The following SNX24 variants were observed in gnomAD, a reference collection of about 807,000 sequenced individuals.
SNX24 encodes sorting nexin 24.
A neutral mutation model predicts 28.7 loss-of-function variants in SNX24; 22 were observed. That is an observed-to-expected ratio of 0.77 (90% CI 0.55 to 1.10). The LOEUF is 1.10. SNX24 is among the 50% of genes least tolerant of loss of function. SNX24 has a pLI of 0.00. For synonymous variants in SNX24, 69 were observed against 71.5 expected (o/e 0.96, Z 0.18); for missense variants, 221 against 201.1 (o/e 1.10, Z -0.60).
intron 1 of SNX24, chr5:122,891,217 G>A: frequency 2.4e-6 from 3 of 1,264,352 alleles, no homozygotes; most frequent in Non-Finnish European, 2.1e-6. Context: ...AATGGTTTAG[G>A]AATGTTGACT....
chr5:122,927,526 C>T (rs145571433), intron 1 of SNX24, among the ~76,000 whole-genome samples: 1 of 152,118 alleles, frequency 6.6e-6, no homozygotes, highest in Non-Finnish European at 1.5e-5. Context: ...CTGGATTCAA[C>T]ATCTTAGGGA....
intron 1 of SNX24, among the ~76,000 whole-genome samples, chr5:122,890,315 T>C (rs892547514): frequency 6.6e-6 from 1 of 152,172 alleles, no homozygotes; most frequent in African/African-American, 2.4e-5. Context: ...CATTTTGAGA[T>C]TATATAAGGA....
intron 1 of SNX24, among the ~76,000 whole-genome samples, chr5:122,914,387 G>T (rs1355778710): frequency 6.6e-6 from 1 of 152,144 alleles, no homozygotes; most frequent in Non-Finnish European, 1.5e-5. Flanking sequence ...TCAGGCTTTG[G>T]TATCAGGATG....
chr5:122,860,756 A>C (rs1414068437), intron 1 of SNX24, among the ~76,000 whole-genome samples: 1 of 151,700 alleles, frequency 6.6e-6, no homozygotes, highest in Non-Finnish European at 1.5e-5. Flanking sequence ...GCCACCATGC[A>C]TGGCTAATTT....
At chr5:122,907,791 A>G (rs1286856749) in intron 1 of SNX24, among the ~76,000 whole-genome samples, 4 of 152,202 alleles carry the variant, frequency 2.6e-5, no homozygotes, top group Non-Finnish European at 5.9e-5. Context: ...TTTCCTGATA[A>G]TGGCACAAGA....
chr5:123,017,145 C>T (rs1206552642), intron 5 of SNX24, among the ~76,000 whole-genome samples: 2 of 151,914 alleles, frequency 1.3e-5, no homozygotes, highest in Non-Finnish European at 2.9e-5. Flanking sequence ...AAGTGGTGAA[C>T]GGTATGATTG....
chr5:123,027,774 G>A (rs182160732), intron 5 of SNX24, among the ~76,000 whole-genome samples: 4 of 152,236 alleles, frequency 2.6e-5, no homozygotes, highest in Middle Eastern at 6.8e-3. Context: ...AATATCCACC[G>A]AAACCAGTAT....
rs370476331 is a variant in SNX24 at position 122,872,871 on chromosome 5, C to T, written c.60+27178C>T. 4.6e-5 allele frequency among the ~76,000 whole-genome samples: 7 copies of T among 151,674 alleles called. No homozygotes were observed. In the East Asian group the frequency reaches 5.9e-4, roughly 13 times the overall value. The stretch of plus-strand genomic sequence containing the variant: ...GACCCATTCACTGTTCAGTGCTTTG[C>T]TCTAAGCAGAAGTAGAATTTTGACT... On this transcript the variant is annotated intron_variant, in intron 1 of 6. Transcript: ENST00000261369.
intron 2 of SNX24, among the ~76,000 whole-genome samples, chr5:122,937,129 T>G (rs1374112886): frequency 1.3e-5 from 2 of 152,220 alleles, no homozygotes; most frequent in Non-Finnish European, 2.9e-5. Flanking sequence ...ATCCATGAAA[T>G]GCACTTAATG....
chr5:123,014,125 C>T (rs371320693), downstream of SNX24, among the ~76,000 whole-genome samples: 9 of 152,204 alleles, frequency 5.9e-5, no homozygotes, highest in South Asian at 1.9e-3. Flanking sequence ...GTTAATAAAG[C>T]TTGGGCGAAT....
chr5:123,023,817 C>CAA, intron 5 of SNX24: 1 of 1,579,080 alleles, frequency 6.3e-7, no homozygotes, highest in Middle Eastern at 2.0e-4. Flanking sequence ...AACACACACA[C>CAA]ACACACACAC....
downstream of SNX24, among the ~76,000 whole-genome samples, chr5:123,009,982 T>C (rs1174504151): frequency 2.0e-5 from 3 of 152,190 alleles, no homozygotes; most frequent in African/African-American, 7.2e-5. Flanking sequence ...GTTATCTCCA[T>C]GAGATACGGA....
At chr5:123,006,287 C>G (rs115406125) in intron 6 of SNX24, among the ~76,000 whole-genome samples, 1,919 of 152,262 alleles carry the variant, frequency 0.013, 20 homozygotes, top group Non-Finnish European at 0.021. Context: ...CTTCTCCCAC[C>G]ACCCTCTGAT....
At position 122,995,467 on chromosome 5, in the gene SNX24, T is replaced by C. The variant is rs114590379; in HGVS notation, c.250-4445T>C. Among the ~76,000 whole-genome samples, 612 of 152,302 alleles carry C rather than the reference T, an allele frequency of 4.0e-3. 3 individuals are homozygous for C. The highest frequency in any genetic ancestry group is 0.014 in the African/African-American group (585 of 41,580). ...TCCTAGGTTTATTCTTATTTCTCTT[T>C]TGTGGTGGCAGGGGGTGCTTGATAA... On this transcript the variant is annotated intron_variant, in intron 3 of 6. Transcript: ENST00000261369.
chr5:122,925,939 C>A (rs1758675457), intron 1 of SNX24, among the ~76,000 whole-genome samples: 1 of 152,108 alleles, frequency 6.6e-6, no homozygotes, highest in African/African-American at 2.4e-5. Flanking sequence ...ATTTGTTAGA[C>A]AAACAGACAA....
chr5:122,908,726 A>G (rs966374444), intron 1 of SNX24, among the ~76,000 whole-genome samples: 1 of 152,230 alleles, frequency 6.6e-6, no homozygotes, highest in African/African-American at 2.4e-5. Context: ...ATTTATTATA[A>G]CAGTATTCAT....
rs117355424 is a variant in SNX24, at chr5:122,909,722, A to G, written c.61-27012A>G. ...CATTTAAGTCAGTCATGTGCTTACC[A>G]TTGGCCAAACTGTCTATCCCTGAGG... On this transcript the variant is annotated intron_variant, in intron 1 of 6. Coordinates refer to ENST00000261369, the MANE Select transcript of SNX24 (RefSeq NM_014035.4). Among the ~76,000 whole-genome samples, 9 of 152,246 alleles carry G rather than the reference A, an allele frequency of 5.9e-5. No individual in the cohort carries two copies. In the East Asian group the frequency reaches 1.4e-3, roughly 23 times the overall value.
chr5:122,987,229 C>A (rs982093972), intron 3 of SNX24, among the ~76,000 whole-genome samples: 2 of 152,112 alleles, frequency 1.3e-5, no homozygotes, highest in Non-Finnish European at 2.9e-5. Context: ...AAGGCTGATT[C>A]TTCTAGAGCA....
At chr5:122,860,389 T>C (rs1003726786) in intron 1 of SNX24, among the ~76,000 whole-genome samples, 9 of 152,308 alleles carry the variant, frequency 5.9e-5, no homozygotes, top group African/African-American at 1.7e-4. Flanking sequence ...ATGTGCTTTA[T>C]GTGTGTAAGT....
Sources: gnomAD v4.1 joint callset for allele counts (sites outside exome capture counted in the v4.1 genomes callset) on GRCh38, gnomAD v4.1.1 for gene constraint, MANE v1.5 for transcripts, NCBI Gene and HGNC (gene_info 2026-07-23, HGNC 2026-07-21) for gene names.